The following NACC2 variants were observed in gnomAD, a reference collection of about 807,000 sequenced individuals.
NACC2 encodes NACC family member 2.
A neutral mutation model predicts 25.1 loss-of-function variants in NACC2; 8 were observed. The observed-to-expected ratio is 0.32, with a 90% CI of 0.19 to 0.57. NACC2 has a LOEUF of 0.57. Ranked by LOEUF, NACC2 falls within the 20% of genes least tolerant of loss-of-function variation. The probability of loss-of-function intolerance (pLI) is 0.89; values close to 1 mark genes in which losing one functional copy is unlikely to be tolerated. For missense variants in NACC2, 644 were observed against 650.2 expected (o/e 0.99, Z 0.10); for synonymous variants, 435 against 294.7 (o/e 1.48, Z -4.88).
Position 136,086,375 on chromosome 9 carries a change from C to T in NACC2, c.-60+8814G>A, listed in dbSNP as rs1365548853. ...CTGCATCATCAGGAGCCTGGTGAGG[C>T]CTAGGGCTGAGCCCTGGGGCAGCTG... On this transcript the variant is annotated intron_variant, in intron 1 of 5. Transcript: ENST00000277554. This position sits in a 1 kb window ranked among gnomAD's most constrained non-coding sequence, Gnocchi z 5.6. 6.6e-6 allele frequency among the ~76,000 whole-genome samples: 1 copy of T among 152,148 alleles called. No homozygotes were observed. Among genetic ancestry groups the T allele is most frequent in the Non-Finnish European group, 1.5e-5 (1 of 68,018 alleles).
chr9:136,046,458 C>T (rs1588569953), intron 2 of NACC2, among the ~76,000 whole-genome samples: 2 of 152,214 alleles, frequency 1.3e-5, no homozygotes, highest in Non-Finnish European at 2.9e-5. Context: ...CCCTGCCTGC[C>T]GCAGGGGTGA....
In NACC2 at chr9:136,012,599, A is replaced by T. The variant is rs796492752; in HGVS notation, c.1256-575T>A. 6.4e-4 allele frequency among the ~76,000 whole-genome samples: 97 copies of T among 150,738 alleles called. 1 individual carries two copies. The highest frequency in any genetic ancestry group is 2.3e-3 in the African/African-American group (93 of 41,016). On this transcript the variant is annotated intron_variant, in intron 5 of 5. Transcript: ENST00000277554. Reference sequence around the variant, plus strand: ...TGCCACCCCACACTTGGGGACTGTAATTCCTGGCTGCAAAGGCCCCTTTTT... The same window carrying T: ...TGCCACCCCACACTTGGGGACTGTATTTCCTGGCTGCAAAGGCCCCTTTTT...
intron 1 of NACC2, among the ~76,000 whole-genome samples, chr9:136,052,578 C>T (rs1840862523): frequency 1.3e-5 from 2 of 152,142 alleles, no homozygotes; most frequent in Admixed American, 6.5e-5. Context: ...GGCCTTAGAG[C>T]TGTGTCCTCT....
intron 2 of NACC2, among the ~76,000 whole-genome samples, chr9:136,042,661 AACACACACAGACACACAGACAT>A (rs1275993336): frequency 6.6e-6 from 1 of 150,732 alleles, no homozygotes; most frequent in Non-Finnish European, 1.5e-5. Context: ...CACACACAGA[AACACACACAGACACACAGACAT>A]ACACACACAG....
chr9:136,091,955 C>A (rs1025627619), intron 1 of NACC2, among the ~76,000 whole-genome samples: 2 of 152,240 alleles, frequency 1.3e-5, no homozygotes, highest in African/African-American at 4.8e-5. Context: ...CGCTCCCCGG[C>A]CCCCACAGCC....
intron 2 of NACC2, among the ~76,000 whole-genome samples, chr9:136,048,871 T>C (rs1241996771): frequency 6.6e-6 from 1 of 152,090 alleles, no homozygotes; most frequent in Non-Finnish European, 1.5e-5. Context: ...CCCCTCGGGG[T>C]CCACCACCTG....
intron 1 of NACC2, among the ~76,000 whole-genome samples, chr9:136,082,754 T>TCC (rs1830337218): frequency 6.6e-6 from 1 of 152,008 alleles, no homozygotes; most frequent in Non-Finnish European, 1.5e-5. Context: ...CAGCCCCCTC[T>TCC]CCCCGGCGGG....
At chr9:136,043,079 C>A (rs1008778889) in intron 2 of NACC2, among the ~76,000 whole-genome samples, 3 of 152,152 alleles carry the variant, frequency 2.0e-5, no homozygotes, top group African/African-American at 7.2e-5. Context: ...ACAAGGATTT[C>A]TCGAACAGGC....
In NACC2 at chr9:136,013,814, G is replaced by A; in HGVS notation, c.1157+50C>T. Reference sequence around the variant, plus strand: ...AGACAGCTCATAGCTAAAGGAGCCAGAACCCTCCGCAGCTCCATTGTGCCC... The same window carrying A: ...AGACAGCTCATAGCTAAAGGAGCCAAAACCCTCCGCAGCTCCATTGTGCCC... On this transcript the variant is annotated intron_variant, in intron 4 of 5. Coordinates refer to ENST00000277554, the MANE Select transcript of NACC2 (RefSeq NM_144653.5). The surrounding 1 kb of genome is among the most constrained non-coding windows in gnomAD (Gnocchi z 6.6). The A allele has an allele frequency of 1.3e-6, 2 of 1,511,536 alleles. No homozygotes were observed. The highest frequency in any genetic ancestry group is 1.8e-6 in the Non-Finnish European group (2 of 1,093,224). The allele number at this position is 1,511,536 out of a possible 1,614,324, so 93.6% of individuals were successfully genotyped here.
At chr9:136,036,206 G>T (rs972710763) in intron 2 of NACC2, among the ~76,000 whole-genome samples, 10 of 152,190 alleles carry the variant, frequency 6.6e-5, no homozygotes, top group Admixed American at 6.5e-5. Flanking sequence ...CACAAAGGAG[G>T]ATGTCCAAGT....
At chr9:136,060,931 T>A (rs1225316015) in intron 1 of NACC2, among the ~76,000 whole-genome samples, 1 of 151,676 alleles carries the variant, frequency 6.6e-6, no homozygotes, top group Middle Eastern at 3.4e-3. Context: ...GGTACAGGGG[T>A]CCGGGGGAAG....
chr9:136,046,561 C>T (rs1307832743), intron 2 of NACC2, among the ~76,000 whole-genome samples: 2 of 152,226 alleles, frequency 1.3e-5, no homozygotes, highest in South Asian at 2.1e-4. Flanking sequence ...CCAGCGTCCA[C>T]CTGATGGGGA....
chr9:136,045,486 C>T (rs530309210), intron 2 of NACC2, among the ~76,000 whole-genome samples: 2 of 151,884 alleles, frequency 1.3e-5, no homozygotes, highest in Non-Finnish European at 1.5e-5. Context: ...CATCTGCCAG[C>T]TGCAATTAAA....
intron 2 of NACC2, 37 bp from the exon 3 acceptor site, chr9:136,016,466 T>TG (rs1440150303): frequency 1.9e-6 from 3 of 1,608,904 alleles, no homozygotes; most frequent in African/African-American, 1.3e-5. Flanking sequence ...GATGGGCATC[T>TG]GGGGGGCCGG....
At chr9:136,014,006 C>A in intron 3 of NACC2, 37 bp from the exon 4 acceptor site, 1 of 1,550,260 alleles carries the variant, frequency 6.5e-7, no homozygotes, top group Non-Finnish European at 8.8e-7. Context: ...TCGTGGCCTT[C>A]CCGGGCCATA....
rs900506320 is a variant in NACC2, at chr9:136,042,663, CACACACAG to C, written c.886+6965_886+6972del. 4.0e-5 allele frequency among the ~76,000 whole-genome samples: 6 copies of C among 151,300 alleles called. No homozygotes were observed. The South Asian group carries it at 6.3e-4, about 16-fold the overall frequency. Reference sequence around the variant, plus strand: ...ACTCACAGACACACACACACAGAAACACACACAGACACACAGACATACACACACAGACA... The same window carrying C: ...ACTCACAGACACACACACACAGAAACACACACAGACATACACACACAGACA... On this transcript the variant is annotated intron_variant, in intron 2 of 5. Transcript: ENST00000277554.
At chr9:136,042,137 T>A (rs1840642930) in intron 2 of NACC2, among the ~76,000 whole-genome samples, 1 of 152,118 alleles carries the variant, frequency 6.6e-6, no homozygotes, top group Non-Finnish European at 1.5e-5. Context: ...TACAGGCGCA[T>A]GCCACCACAC....
At position 136,086,925 on chromosome 9, in the gene NACC2, C is replaced by T. The variant is rs760081992; in HGVS notation, c.-60+8264G>A. Among the ~76,000 whole-genome samples the T allele has an allele frequency of 1.4e-4, 21 of 152,326 alleles. No homozygotes were observed. Among genetic ancestry groups the T allele is most frequent in the Non-Finnish European group, 2.6e-4 (18 of 68,026 alleles). On this transcript the variant is annotated intron_variant, in intron 1 of 5. Transcript: ENST00000277554. This position sits in a 1 kb window ranked among gnomAD's most constrained non-coding sequence, Gnocchi z 5.6. Reference sequence around the variant, plus strand: ...CCCCTCCCACACCACACCGGGGGTTCGCATCTACCTGACCCTTTGAATGCG... The same window carrying T: ...CCCCTCCCACACCACACCGGGGGTTTGCATCTACCTGACCCTTTGAATGCG...
chr9:136,048,551 C>T (rs1840762345), intron 2 of NACC2, among the ~76,000 whole-genome samples: 1 of 152,242 alleles, frequency 6.6e-6, no homozygotes, highest in African/African-American at 2.4e-5. Flanking sequence ...CATGCAAACA[C>T]AGCAATATAC....
Sources: allele counts gnomAD v4.1 joint callset (sites outside exome capture counted in the v4.1 genomes callset), GRCh38; gene constraint gnomAD v4.1.1; non-coding constraint Gnocchi (gnomAD v3.1); transcripts MANE v1.5; gene names NCBI Gene and HGNC (gene_info 2026-07-23, HGNC 2026-07-21).